MSH3: variants seen among roughly 807,000 people sequenced by gnomAD.
MSH3 encodes DNA mismatch repair protein Msh3.
In MSH3, 106 loss-of-function variants were observed where a neutral mutation model predicts 123.3. The observed-to-expected ratio is 0.86, with a 90% confidence interval of 0.73 to 1.01. The LOEUF (loss-of-function observed/expected upper bound fraction) is 1.01, where lower values mean the gene tolerates loss of function less well. MSH3 is among the 50% of genes least tolerant of loss of function. The probability of loss-of-function intolerance (pLI) is 0.00; values close to 1 mark genes in which losing one functional copy is unlikely to be tolerated. For synonymous variants in MSH3, 515 were observed against 481.4 expected, an observed-to-expected ratio of 1.07 and a Z score of -0.91; for missense variants, 1,459 against 1,347.6, an observed-to-expected ratio of 1.08 and a Z score of -1.29.
intron 20 of MSH3, among the ~76,000 whole-genome samples, chr5:80,824,616 A>C (rs1745261845): frequency 6.6e-6 from 1 of 152,254 alleles, no homozygotes; most frequent in African/African-American, 2.4e-5. Context: ...GCTTATTATG[A>C]AATGTAACAG....
chr5:80,680,872 C>A (rs1004329916), intron 8 of MSH3, among the ~76,000 whole-genome samples: 25 of 152,020 alleles, frequency 1.6e-4, no homozygotes, highest in African/African-American at 6.0e-4. Flanking sequence ...ATAATTTATC[C>A]ATTCCATTTT....
At chr5:80,731,002 A>C (rs1743402086) in intron 10 of MSH3, among the ~76,000 whole-genome samples, 1 of 149,998 alleles carries the variant, frequency 6.7e-6, no homozygotes, top group Non-Finnish European at 1.5e-5. Context: ...TCCTGGGTTC[A>C]AGCAATTCTC....
intron 8 of MSH3, among the ~76,000 whole-genome samples, chr5:80,717,062 G>T (rs984666633): frequency 6.6e-6 from 1 of 152,150 alleles, no homozygotes; most frequent in Non-Finnish European, 1.5e-5. Flanking sequence ...GGGCTGAATA[G>T]TATTCCATTG....
intron 13 of MSH3, among the ~76,000 whole-genome samples, chr5:80,767,409 C>T (rs1369009457): frequency 6.6e-6 from 1 of 151,930 alleles, no homozygotes; most frequent in East Asian, 1.9e-4. Context: ...TTTGGCGTTC[C>T]GATAAGTGAA....
Position 80,810,937 on chromosome 5 carries a change from C to T in MSH3, c.2656-2647C>T, listed in dbSNP as rs540095434. Reference sequence around the variant, plus strand: ...CTGAAAATCTAAAATCTGAAATGCTCCAATGAGCATTTCTTTTGAGCATCA... The same window carrying T: ...CTGAAAATCTAAAATCTGAAATGCTTCAATGAGCATTTCTTTTGAGCATCA... On this transcript the variant is annotated intron_variant, in intron 19 of 23. Coordinates refer to ENST00000265081, the MANE Select transcript of MSH3 (RefSeq NM_002439.5). 2.0e-5 allele frequency among the ~76,000 whole-genome samples: 3 copies of T among 152,038 alleles called. No homozygotes were observed. The East Asian group carries it at 5.8e-4, about 29-fold the overall frequency.
intron 8 of MSH3, among the ~76,000 whole-genome samples, chr5:80,720,111 A>G (rs915138133): frequency 6.6e-6 from 1 of 152,138 alleles, no homozygotes; most frequent in African/African-American, 2.4e-5. Flanking sequence ...TTCTTTGAGT[A>G]TCTTAAATAC....
intron 21 of MSH3, among the ~76,000 whole-genome samples, chr5:80,856,556 TG>T (rs1245400265): frequency 4.7e-5 from 3 of 63,750 alleles, no homozygotes; most frequent in Non-Finnish European, 8.4e-5. Context: ...TGTTGTGGGG[TG>T]GGGGGAGGGG....
intron 8 of MSH3, among the ~76,000 whole-genome samples, chr5:80,710,959 G>T (rs1750845101): frequency 6.6e-6 from 1 of 152,038 alleles, no homozygotes; most frequent in South Asian, 2.1e-4. Context: ...TAACCTCATT[G>T]CAGACAGAAG....
intron 20 of MSH3, among the ~76,000 whole-genome samples, chr5:80,821,731 CT>C (rs1438657844): frequency 1.3e-5 from 2 of 152,216 alleles, no homozygotes; most frequent in African/African-American, 4.8e-5. Context: ...AAGAAAGCCC[CT>C]GATTGCTTTT....
intron 21 of MSH3, chr5:80,855,873 C>CTTTTTTTTTTTTTTTTTTTT (rs5869058): frequency 9.3e-6 from 1 of 107,134 alleles, no homozygotes; most frequent in Non-Finnish European, 1.8e-5. Context: ...TCCTCCTCCT[C>CTTTTTTTTTTTTTTTTTTTT]TTTTTTTTTT....
At chr5:80,677,731 G>A (rs1350880463) in intron 7 of MSH3, among the ~76,000 whole-genome samples, 1 of 152,072 alleles carries the variant, frequency 6.6e-6, no homozygotes, top group Non-Finnish European at 1.5e-5. Context: ...CACCTTAAAC[G>A]TTATATACAA....
chr5:80,714,635 A>T (rs1403213605), intron 8 of MSH3, among the ~76,000 whole-genome samples: 1 of 152,202 alleles, frequency 6.6e-6, no homozygotes, highest in Non-Finnish European at 1.5e-5. Context: ...AGCCTCAAGG[A>T]TAAGTGACAA....
intron 8 of MSH3, among the ~76,000 whole-genome samples, chr5:80,687,071 T>C (rs1019493906): frequency 6.6e-6 from 1 of 152,234 alleles, no homozygotes; most frequent in Non-Finnish European, 1.5e-5. Context: ...TGTATCATAT[T>C]GTGACTTAGA....
At chr5:80,822,813 G>A (rs1745223836) in intron 20 of MSH3, among the ~76,000 whole-genome samples, 1 of 152,178 alleles carries the variant, frequency 6.6e-6, no homozygotes, top group African/African-American at 2.4e-5. Flanking sequence ...CATGGAAGGT[G>A]GTCTCATGGA....
chr5:80,819,998 C>A (rs986967001), intron 20 of MSH3, among the ~76,000 whole-genome samples: 12 of 152,168 alleles, frequency 7.9e-5, no homozygotes, highest in Non-Finnish European at 1.5e-4. Flanking sequence ...TTCGGTAAGA[C>A]CATGCAATGC....
chr5:80,770,182 G>A (rs928332732), intron 15 of MSH3, among the ~76,000 whole-genome samples: 7 of 151,994 alleles, frequency 4.6e-5, no homozygotes, highest in African/African-American at 1.7e-4. Context: ...CACTATTCTG[G>A]CTATTGGTTT....
At chr5:80,865,477 A>ACTT (rs546878584) in intron 22 of MSH3, among the ~76,000 whole-genome samples, 1 of 152,290 alleles carries the variant, frequency 6.6e-6, no homozygotes, top group Admixed American at 6.5e-5. Flanking sequence ...CCTAGAATTC[A>ACTT]CTTCTTCTGC....
chr5:80,735,747 G>A (rs1441519351), intron 10 of MSH3, among the ~76,000 whole-genome samples: 2 of 152,004 alleles, frequency 1.3e-5, no homozygotes, highest in East Asian at 3.9e-4. Context: ...TAGAAAAACT[G>A]TCCTAAAAAT....
At chr5:80,725,384 C>A in intron 8 of MSH3, 69 bp from the exon 9 acceptor site, 1 of 1,039,576 alleles carries the variant, frequency 9.6e-7, no homozygotes, top group Non-Finnish European at 1.5e-6. Flanking sequence ...CTCTTCTGGC[C>A]AAGACCTAAA....
Sources: gnomAD v4.1 joint callset for allele counts (sites outside exome capture counted in the v4.1 genomes callset) on GRCh38, gnomAD v4.1.1 for gene constraint, MANE v1.5 for transcripts, NCBI Gene and HGNC (gene_info 2026-07-23, HGNC 2026-07-21) for gene names.